The following CLIC4 variants were observed in gnomAD, a reference collection of about 807,000 sequenced individuals.
CLIC4 encodes the protein CLIC family member 4.
CLIC4 carries 13 observed loss-of-function variants against 24.6 expected under a neutral mutation model. The observed-to-expected ratio is 0.53, with a 90% CI of 0.34 to 0.84. CLIC4 has a LOEUF of 0.84. CLIC4 is among the 40% of genes least tolerant of loss of function. The pLI is 0.01. For synonymous variants in CLIC4, 104 were observed against 111.3 expected (o/e 0.93, Z 0.41); for missense variants, 227 against 301.7 (o/e 0.75, Z 1.83).
chr1:24,745,952 C>T (rs1638689018), intron 1 of CLIC4, among the ~76,000 whole-genome samples: 1 of 150,218 alleles, frequency 6.7e-6, no homozygotes. Context: ...GCCCCAGCGC[C>T]GGGCGCGCGC....
chr1:24,764,532 T>A (rs1490540881), intron 1 of CLIC4, among the ~76,000 whole-genome samples: 1 of 152,034 alleles, frequency 6.6e-6, no homozygotes, highest in Non-Finnish European at 1.5e-5. Context: ...CACACGCCTA[T>A]GGTCCCAGCT....
intron 3 of CLIC4, among the ~76,000 whole-genome samples, chr1:24,820,152 A>G (rs1467599660): frequency 2.2e-5 from 3 of 135,484 alleles, no homozygotes; most frequent in Non-Finnish European, 4.7e-5. Flanking sequence ...GTCCTGGCTC[A>G]CTGCAACCTT....
intron 2 of CLIC4, among the ~76,000 whole-genome samples, chr1:24,801,820 A>G (rs1339882322): frequency 6.6e-6 from 1 of 152,236 alleles, no homozygotes; most frequent in African/African-American, 2.4e-5. Context: ...TAAAGTCATC[A>G]AGGAACCCCT....
intron 1 of CLIC4, among the ~76,000 whole-genome samples, chr1:24,759,841 T>A (rs1215843529): frequency 1.3e-5 from 2 of 151,912 alleles, no homozygotes; most frequent in Non-Finnish European, 2.9e-5. Flanking sequence ...GTATTCCCAG[T>A]TGCTTGGGGG....
At chr1:24,836,706 C>T (rs1461335575) in intron 4 of CLIC4, among the ~76,000 whole-genome samples, 1 of 152,110 alleles carries the variant, frequency 6.6e-6, no homozygotes, top group Non-Finnish European at 1.5e-5. Flanking sequence ...GGTGCAGTGG[C>T]ATGTGCCTAT....
At chr1:24,777,174 A>G (rs1373685474) in intron 1 of CLIC4, among the ~76,000 whole-genome samples, 1 of 152,164 alleles carries the variant, frequency 6.6e-6, no homozygotes, top group Non-Finnish European at 1.5e-5. Context: ...GATGCAGCCC[A>G]TTTCCGTTAA....
At chr1:24,791,591 T>C (rs1639335464) in intron 1 of CLIC4, among the ~76,000 whole-genome samples, 1 of 151,684 alleles carries the variant, frequency 6.6e-6, no homozygotes, top group African/African-American at 2.4e-5. Flanking sequence ...AATACAAAAA[T>C]TGGGCCGGGC....
At chr1:24,767,068 A>G (rs1310858341) in intron 1 of CLIC4, among the ~76,000 whole-genome samples, 1 of 141,114 alleles carries the variant, frequency 7.1e-6, no homozygotes. Flanking sequence ...AAGAAAAACC[A>G]AAAAAACCTT....
In CLIC4 at chr1:24,844,163, A is replaced by C. The variant is rs1237232481; in HGVS notation, c.*3226A>C. On this transcript the variant is annotated 3_prime_UTR_variant, in exon 6 of 6. Transcript: ENST00000374379. ...TTATAATTTCTTGAACAGGCAAATG[A>C]AAGCTTATTATAGAATGCATGTATT... is the stretch of plus-strand genomic sequence containing the variant. The C allele has an allele frequency of 6.6e-6, 1 of 152,662 alleles. No individual in the cohort carries two copies. The highest frequency in any genetic ancestry group is 1.5e-5 in the Non-Finnish European group (1 of 68,020). The allele number at this position is 152,662 out of a possible 1,614,324, so 9.5% of individuals were successfully genotyped here.
intron 1 of CLIC4, among the ~76,000 whole-genome samples, chr1:24,755,008 G>T (rs2124081560): frequency 6.7e-6 from 1 of 149,444 alleles, no homozygotes; most frequent in African/African-American, 2.5e-5. Context: ...GGAGGCGGAG[G>T]TTGCAGTGAG....
intron 3 of CLIC4, among the ~76,000 whole-genome samples, chr1:24,818,731 G>A (rs1430276871): frequency 6.6e-6 from 1 of 151,952 alleles, no homozygotes; most frequent in African/African-American, 2.4e-5. Context: ...GGGTGGAGAG[G>A]TGTTTATGGT....
At chr1:24,745,874 C>T (rs1055668102) in intron 1 of CLIC4, among the ~76,000 whole-genome samples, 1 of 151,380 alleles carries the variant, frequency 6.6e-6, no homozygotes, top group African/African-American at 2.4e-5. Context: ...CATCGGCGGA[C>T]GCCAGACCAG....
chr1:24,785,579 C>T (rs1056401472), intron 1 of CLIC4, among the ~76,000 whole-genome samples: 3 of 152,076 alleles, frequency 2.0e-5, no homozygotes, highest in Non-Finnish European at 2.9e-5. Context: ...ATAGGCTGGG[C>T]GCGGCGGCTC....
At chr1:24,773,298 T>G (rs960892339) in intron 1 of CLIC4, among the ~76,000 whole-genome samples, 10 of 152,200 alleles carry the variant, frequency 6.6e-5, no homozygotes, top group African/African-American at 2.2e-4. Flanking sequence ...TGAACAGAAA[T>G]AGCTGCCTTA....
chr1:24,836,241 GAGAC>G (rs879615878), intron 4 of CLIC4, among the ~76,000 whole-genome samples: 21 of 152,262 alleles, frequency 1.4e-4, no homozygotes, highest in Non-Finnish European at 3.1e-4. Context: ...AGAACTAAAA[GAGAC>G]AGATCAATCC....
intron 4 of CLIC4, among the ~76,000 whole-genome samples, chr1:24,828,112 A>T (rs1639804780): frequency 6.6e-6 from 1 of 152,226 alleles, no homozygotes; most frequent in Non-Finnish European, 1.5e-5. Flanking sequence ...ATATCTTTTT[A>T]AAAAGTGAAA....
chr1:24,843,572 T>C lies in CLIC4; in HGVS notation c.*2635T>C, dbSNP rs1185421504. 6.6e-6 allele frequency: 1 copy of C among 152,194 alleles called. No homozygotes were observed. The highest frequency in any genetic ancestry group is 2.4e-5 in the African/African-American group (1 of 41,436). The allele number at this position is 152,194 out of a possible 1,614,324, so 9.4% of individuals were successfully genotyped here. A position where few individuals can be genotyped will look rare whatever the true frequency, so the allele number is the denominator to read the frequency against. ...TTCTAGTTGATAAAACTTCCCTTTT[T>C]TGATGTAGATGCAGATATTCTATAC... On this transcript the variant is annotated 3_prime_UTR_variant, in exon 6 of 6. Transcript: ENST00000374379.
chr1:24,775,741 A>G (rs1045422781), intron 1 of CLIC4, among the ~76,000 whole-genome samples: 8 of 150,246 alleles, frequency 5.3e-5, no homozygotes, highest in African/African-American at 2.0e-4. Flanking sequence ...TTCTTTCGTT[A>G]TTTGAACATA....
chr1:24,828,700 T>C (rs767064767), intron 4 of CLIC4, among the ~76,000 whole-genome samples: 1 of 70,662 alleles, frequency 1.4e-5, no homozygotes, highest in Non-Finnish European at 3.0e-5. Flanking sequence ...GGGGTGGGGG[T>C]GGGGCGGGAA....
Sources: allele counts gnomAD v4.1 joint callset (sites outside exome capture counted in the v4.1 genomes callset), GRCh38; gene constraint gnomAD v4.1.1; transcripts MANE v1.5; gene names NCBI Gene and HGNC (gene_info 2026-07-23, HGNC 2026-07-21).